Variants in ACOT7 observed in about 807,000 individuals in gnomAD.
ACOT7 encodes acyl-CoA thioesterase 7.
In ACOT7, 12 loss-of-function variants were observed where a neutral mutation model predicts 40.2. The observed-to-expected ratio is 0.30, with a 90% CI of 0.19 to 0.48. ACOT7 has a LOEUF of 0.48. Among genes scored for constraint, ACOT7 ranks in the 20% least tolerant of loss-of-function variants. ACOT7 has a pLI of 0.99. For missense variants in ACOT7, 395 were observed against 530.8 expected (o/e 0.74, Z 2.51); for synonymous variants, 228 against 219.5 (o/e 1.04, Z -0.34).
chr1:6,362,767 T>C (rs1039663915), intron 1 of ACOT7, among the ~76,000 whole-genome samples: 1 of 151,612 alleles, frequency 6.6e-6, no homozygotes, highest in African/African-American at 2.4e-5. Context: ...AAATGACCTT[T>C]GGCTAGGCGC....
chr1:6,393,564 G>A lies in ACOT7; in HGVS notation c.-165C>T, dbSNP rs1642576687. 3 of 559,414 alleles carry A rather than the reference G, an allele frequency of 5.4e-6. No homozygotes were observed. Among genetic ancestry groups the A allele is most frequent in the East Asian group, 4.3e-5 (1 of 23,524 alleles). 34.7% of individuals were successfully genotyped at this position (559,414 alleles called of 1,614,324 possible). A position where few individuals can be genotyped will look rare whatever the true frequency, so the allele number is the denominator to read the frequency against. ...CTGCAGAGAGCTCGCGCGGGCGTACGATTCTGGCGGCGTGGGGGCCCAGGC... is the reference window on the plus strand; with the variant it reads ...CTGCAGAGAGCTCGCGCGGGCGTACAATTCTGGCGGCGTGGGGGCCCAGGC... On this transcript the variant is annotated 5_prime_UTR_variant, in exon 1 of 9. Coordinates refer to ENST00000361521, the MANE Select transcript of ACOT7 (RefSeq NM_007274.4).
At chr1:6,293,670 C>T (rs770676187) in intron 7 of ACOT7, among the ~76,000 whole-genome samples, 4 of 152,176 alleles carry the variant, frequency 2.6e-5, no homozygotes, top group South Asian at 2.1e-4. Context: ...CACTGTACTC[C>T]GGCCTGGGTG....
intron 8 of ACOT7, among the ~76,000 whole-genome samples, chr1:6,280,781 C>T (rs536658028): frequency 1.3e-5 from 2 of 152,348 alleles, no homozygotes; most frequent in South Asian, 2.1e-4. Flanking sequence ...GCGACCTGGA[C>T]GCCCAGGCAG....
intron 1 of ACOT7, among the ~76,000 whole-genome samples, chr1:6,370,460 T>TTAG (rs756399498): frequency 8.6e-5 from 5 of 58,110 alleles, no homozygotes; most frequent in Admixed American, 1.4e-4. Flanking sequence ...AGTGTTAGTA[T>TTAG]TATTATTATT....
chr1:6,322,009 A>G lies in ACOT7; in HGVS notation c.626-3431T>C, dbSNP rs116804969. ...TTGCAGGCTGATTCTGGACACCCCT[A>G]GACCCTGGCAGGCCCACGCTGAAGC... On this transcript the variant is annotated intron_variant, in intron 5 of 8. Transcript: ENST00000361521. 3.7e-3 allele frequency among the ~76,000 whole-genome samples: 556 copies of G among 152,190 alleles called. 4 individuals are homozygous for G. Among genetic ancestry groups the G allele is most frequent in the African/African-American group, 0.013 (524 of 41,438 alleles).
At chr1:6,386,043 T>G (rs1298848954) in intron 1 of ACOT7, among the ~76,000 whole-genome samples, 1 of 152,156 alleles carries the variant, frequency 6.6e-6, no homozygotes, top group Non-Finnish European at 1.5e-5. Flanking sequence ...CTCGCACCAC[T>G]CAGGCTGGCC....
chr1:6,319,160 C>T (rs72854396), intron 5 of ACOT7, among the ~76,000 whole-genome samples: 6 of 152,150 alleles, frequency 3.9e-5, no homozygotes, highest in African/African-American at 1.4e-4. Flanking sequence ...GAAAAAAAGC[C>T]GATGACATAT....
At chr1:6,336,833 G>A (rs1641118671) in intron 3 of ACOT7, among the ~76,000 whole-genome samples, 1 of 152,210 alleles carries the variant, frequency 6.6e-6, no homozygotes, top group East Asian at 1.9e-4. Context: ...AATAGAGACT[G>A]CAGAGAGAGA....
intron 4 of ACOT7, among the ~76,000 whole-genome samples, chr1:6,331,606 C>T (rs1640956775): frequency 6.6e-6 from 1 of 152,220 alleles, no homozygotes; most frequent in Non-Finnish European, 1.5e-5. Flanking sequence ...TATGAGACCT[C>T]GGACTCCACA....
At chr1:6,280,333 TG>T (rs796910505) in intron 8 of ACOT7, among the ~76,000 whole-genome samples, 16 of 152,330 alleles carry the variant, frequency 1.1e-4, no homozygotes, top group African/African-American at 3.1e-4. Flanking sequence ...TCAGCCAGGA[TG>T]GGGAACCTCT....
intron 1 of ACOT7, among the ~76,000 whole-genome samples, chr1:6,357,659 A>T (rs1333806966): frequency 6.6e-6 from 1 of 152,176 alleles, no homozygotes; most frequent in African/African-American, 2.4e-5. Context: ...GGAGTAGACA[A>T]GGGACAGGGG....
chr1:6,331,383 T>C (rs1640949866), intron 4 of ACOT7, among the ~76,000 whole-genome samples: 1 of 152,186 alleles, frequency 6.6e-6, no homozygotes, highest in African/African-American at 2.4e-5. Flanking sequence ...GAAGCTTCAG[T>C]GACGCAGCCT....
chr1:6,366,850 G>A (rs1642022669), intron 1 of ACOT7, among the ~76,000 whole-genome samples: 1 of 151,912 alleles, frequency 6.6e-6, no homozygotes, highest in Non-Finnish European at 1.5e-5. Flanking sequence ...GAGATGGGGA[G>A]AACATGTCAG....
intron 7 of ACOT7, among the ~76,000 whole-genome samples, chr1:6,292,128 C>T (rs1004304442): frequency 2.6e-5 from 4 of 152,238 alleles, no homozygotes; most frequent in African/African-American, 9.6e-5. Flanking sequence ...AGGATACTGG[C>T]ATAGAAACAG....
At chr1:6,362,909 G>A (rs955087990) in intron 1 of ACOT7, among the ~76,000 whole-genome samples, 2 of 152,094 alleles carry the variant, frequency 1.3e-5, no homozygotes, top group Admixed American at 6.6e-5. Flanking sequence ...AAAATTAGCC[G>A]AGCATGGTGG....
rs772269320 is a variant in ACOT7, at chr1:6,294,943, G to A, written c.750C>T (p.Ile250=). ...TMKLMDEVAG[I]VAARHCKTNI... ...TGGTCTTGCAGTGGCGTGCAGCCAC[G>A]ATCCCGGCGACCTCATCCATGAGCT... Residue 250 remains isoleucine, a synonymous_variant, in exon 7 of 9, where the codon ATC becomes ATT. Transcript: ENST00000361521. The surrounding 1 kb of genome is among the most constrained non-coding windows in gnomAD (Gnocchi z 4.6). 15 of 1,613,958 alleles carry A rather than the reference G, an allele frequency of 9.3e-6. No homozygotes were observed. Among genetic ancestry groups the A allele is most frequent in the East Asian group, 2.2e-5 (1 of 44,894 alleles).
chr1:6,327,048 G>A (rs1028796553), intron 5 of ACOT7, among the ~76,000 whole-genome samples: 4 of 152,130 alleles, frequency 2.6e-5, no homozygotes, highest in South Asian at 2.1e-4. Context: ...GAGGCCCCAC[G>A]CACAGTGCCC....
At chr1:6,319,223 C>T (rs746169382) in intron 5 of ACOT7, among the ~76,000 whole-genome samples, 2 of 152,236 alleles carry the variant, frequency 1.3e-5, no homozygotes, top group Non-Finnish European at 2.9e-5. Flanking sequence ...GACAAAGCCT[C>T]GCTCTATTGC....
intron 8 of ACOT7, among the ~76,000 whole-genome samples, chr1:6,271,063 T>C (rs1210505638): frequency 6.6e-6 from 1 of 152,044 alleles, no homozygotes; most frequent in Non-Finnish European, 1.5e-5. Flanking sequence ...GGGCCTGGGG[T>C]CTGCATCTTT....
Sources: allele counts gnomAD v4.1 joint callset (sites outside exome capture counted in the v4.1 genomes callset), GRCh38; gene constraint gnomAD v4.1.1; non-coding constraint Gnocchi (gnomAD v3.1); transcripts MANE v1.5; gene names NCBI Gene and HGNC (gene_info 2026-07-23, HGNC 2026-07-21).